Variants in MRTFA observed in about 807,000 individuals in gnomAD.
MRTFA encodes the protein myocardin-related transcription factor A.
Under a neutral mutation model 83.5 loss-of-function variants are expected in MRTFA, and 20 were observed. The ratio of observed to expected loss-of-function variants is 0.24; its 90% CI spans 0.17 to 0.35. MRTFA has a LOEUF of 0.35. Ranked by LOEUF, MRTFA falls within the 10% of genes least tolerant of loss-of-function variation. The pLI is 1.00. For synonymous variants in MRTFA, 659 were observed against 541.2 expected (o/e 1.22, Z -3.02); for missense variants, 1,200 against 1,224.7 (o/e 0.98, Z 0.30).
chr22:40,463,643 C>CA (rs1358285548), intron 3 of MRTFA, among the ~76,000 whole-genome samples: 3 of 151,886 alleles, frequency 2.0e-5, no homozygotes. Flanking sequence ...CACCACCCAG[C>CA]AAAAAAAGCT....
chr22:40,424,476 GC>G, intron 7 of MRTFA, 95 bp from the exon 8 acceptor site: 1 of 1,280,606 alleles, frequency 7.8e-7, no homozygotes, highest in Non-Finnish European at 1.1e-6. Context: ...AGAGTGCCTG[GC>G]CCACAGCCCA....
intron 1 of MRTFA, among the ~76,000 whole-genome samples, chr22:40,614,067 T>C (rs906132617): frequency 1.3e-5 from 2 of 151,790 alleles, no homozygotes; most frequent in African/African-American, 4.8e-5. Flanking sequence ...CCGGGCATGG[T>C]GGCGCATGCC....
chr22:40,624,425 CAAA>C (rs35882157), intron 1 of MRTFA, among the ~76,000 whole-genome samples: 8 of 62,730 alleles, frequency 1.3e-4, no homozygotes, highest in East Asian at 3.8e-4. Flanking sequence ...GACTCCAACT[CAAA>C]AAAAAAAAAA....
chr22:40,603,623 T>A (rs995970345), intron 1 of MRTFA, among the ~76,000 whole-genome samples: 1 of 152,158 alleles, frequency 6.6e-6, no homozygotes, highest in Admixed American at 6.5e-5. Flanking sequence ...TTTCCAAGAG[T>A]TAACTAGTGT....
intron 1 of MRTFA, among the ~76,000 whole-genome samples, chr22:40,609,900 T>G (rs947765959): frequency 6.6e-6 from 1 of 152,160 alleles, no homozygotes; most frequent in East Asian, 1.9e-4. Flanking sequence ...GATAAACGTA[T>G]GTCCTCTTTA....
At chr22:40,619,853 G>A (rs1479352673) in intron 1 of MRTFA, among the ~76,000 whole-genome samples, 1 of 135,096 alleles carries the variant, frequency 7.4e-6, no homozygotes, top group East Asian at 2.3e-4. Context: ...TCACACCACT[G>A]CACTCCAGCC....
At chr22:40,576,730 T>C (rs1334314213) in intron 2 of MRTFA, among the ~76,000 whole-genome samples, 1 of 152,176 alleles carries the variant, frequency 6.6e-6, no homozygotes, top group African/African-American at 2.4e-5. Flanking sequence ...AAACAGCTAG[T>C]AGGAAAAACC....
intron 3 of MRTFA, among the ~76,000 whole-genome samples, chr22:40,464,238 T>C (rs1473504449): frequency 1.5e-5 from 2 of 135,680 alleles, no homozygotes; most frequent in African/African-American, 2.8e-5. Flanking sequence ...GAGGCGGAGG[T>C]TGCAGTGAGC....
chr22:40,512,154 T>A (rs2054678757), intron 3 of MRTFA, among the ~76,000 whole-genome samples: 4 of 152,222 alleles, frequency 2.6e-5, no homozygotes, highest in Admixed American at 2.6e-4. Flanking sequence ...AAGTACCATA[T>A]CTTTATTTTA....
intron 3 of MRTFA, among the ~76,000 whole-genome samples, chr22:40,483,410 G>A (rs1005127717): frequency 2.0e-5 from 3 of 150,690 alleles, no homozygotes; most frequent in African/African-American, 7.3e-5. Flanking sequence ...TCTCAGCCAG[G>A]CGCAATGGCT....
intron 2 of MRTFA, among the ~76,000 whole-genome samples, chr22:40,562,271 G>C (rs2055631255): frequency 6.7e-6 from 1 of 150,148 alleles, no homozygotes; most frequent in South Asian, 2.1e-4. Context: ...GAGGAATCCA[G>C]CTGAGTCCAG....
chr22:40,575,250 A>G (rs1010455434), intron 2 of MRTFA, among the ~76,000 whole-genome samples: 1 of 152,188 alleles, frequency 6.6e-6, no homozygotes, highest in Non-Finnish European at 1.5e-5. Context: ...TTTGTTCTCA[A>G]CCAGCTCGTT....
chr22:40,564,261 G>A (rs771305004), intron 2 of MRTFA, among the ~76,000 whole-genome samples: 4 of 152,108 alleles, frequency 2.6e-5, no homozygotes, highest in South Asian at 2.1e-4. Context: ...ATGTTGGGTC[G>A]AGGGACCAAA....
At chr22:40,542,626 G>C (rs1388912123) in intron 3 of MRTFA, among the ~76,000 whole-genome samples, 1 of 152,012 alleles carries the variant, frequency 6.6e-6, no homozygotes, top group Non-Finnish European at 1.5e-5. Flanking sequence ...GAAATAATCT[G>C]AAATGCAAAA....
chr22:40,427,458 A>T (rs944251202), intron 7 of MRTFA, among the ~76,000 whole-genome samples: 7 of 152,108 alleles, frequency 4.6e-5, no homozygotes, highest in African/African-American at 1.7e-4. Flanking sequence ...CCTCTGCCCA[A>T]AACTAAAACT....
intron 4 of MRTFA, among the ~76,000 whole-genome samples, chr22:40,438,794 T>C (rs1158657897): frequency 6.6e-6 from 1 of 151,906 alleles, no homozygotes; most frequent in East Asian, 1.9e-4. Flanking sequence ...ACAGTACGTA[T>C]AGGATTTGGT....
chr22:40,514,933 G>C (rs2054732138), intron 3 of MRTFA, among the ~76,000 whole-genome samples: 1 of 143,390 alleles, frequency 7.0e-6, no homozygotes, highest in Non-Finnish European at 1.5e-5. Context: ...TTTTGAGACA[G>C]AGTCTCACTC....
Position 40,429,650 on chromosome 22 carries a change from T to C in MRTFA, c.557A>G (p.Lys186Arg), listed in dbSNP as rs2147090818. The C allele has an allele frequency of 1.2e-6, 2 of 1,614,158 alleles. No individual in the cohort carries two copies. Among genetic ancestry groups the C allele is most frequent in the African/African-American group, 1.3e-5 (1 of 75,022 alleles). The change falls in exon 7 of 15, where the codon AAG (lysine) becomes AGG (arginine). Residue 186 changes from lysine (K) to arginine (R), a missense_variant. Lys to Arg is a conservative substitution (Grantham distance 26). This residue lies in a region of MRTFA where 93 missense variants were observed against 182.9 expected (regional missense o/e 0.51). Transcript: ENST00000355630. ...GCTGGACTCAACAGGAAGGATGTTC[T>C]TCTCCACCAGCTCCATGGGGCCAGG...
chr22:40,482,593 T>G (rs2054109303), intron 3 of MRTFA, among the ~76,000 whole-genome samples: 1 of 152,168 alleles, frequency 6.6e-6, no homozygotes, highest in Non-Finnish European at 1.5e-5. Flanking sequence ...CTTTAGCACT[T>G]TTAGGTAGGG....
Sources: allele counts gnomAD v4.1 joint callset (sites outside exome capture counted in the v4.1 genomes callset), GRCh38; gene constraint gnomAD v4.1.1; regional missense constraint gnomAD v4.1.1; transcripts MANE v1.5; gene names NCBI Gene and HGNC (gene_info 2026-07-23, HGNC 2026-07-21).